FBXO41: variants seen among roughly 807,000 people sequenced by gnomAD.
FBXO41 encodes F-box protein 41.
FBXO41 carries 33 observed loss-of-function variants against 81.6 expected under a neutral mutation model. That is an observed-to-expected ratio of 0.40 (90% CI 0.31 to 0.54). The LOEUF (loss-of-function observed/expected upper bound fraction) is 0.54. FBXO41 is among the 20% of genes least tolerant of loss of function. FBXO41 has a pLI of 0.39. For missense variants in FBXO41, 1,107 were observed against 1,236.0 expected (o/e 0.90, Z 1.56); for synonymous variants, 576 against 552.7 (o/e 1.04, Z -0.59).
intron 1 of FBXO41, among the ~76,000 whole-genome samples, chr2:73,274,581 C>T (rs1042532678): frequency 5.3e-5 from 8 of 152,098 alleles, no homozygotes; most frequent in Non-Finnish European, 7.4e-5. Flanking sequence ...TGTTTTCTTT[C>T]GATACTTGTG....
chr2:73,261,668 A>G (rs1487382123), intron 9 of FBXO41, among the ~76,000 whole-genome samples: 1 of 152,162 alleles, frequency 6.6e-6, no homozygotes, highest in East Asian at 1.9e-4. Context: ...AATCCCGCCA[A>G]ATAGCTTCCA....
Position 73,265,508 on chromosome 2 carries a change from A to C in FBXO41, c.1338T>G (p.Ala446=). The change falls in exon 5 of 13, where the codon GCT becomes GCG. Residue 446 remains alanine (A), a synonymous_variant. Coordinates refer to ENST00000520530, the MANE Select transcript of FBXO41 (RefSeq NM_001371389.2). ...GGGACCGCTCTGAGCCCCCGTTGGC[A>C]GCCTGGGCCCGTGTGCCCAAGCCCC... ...GPGGLGTRAQ[A]ANGGSERSQP... is the part of the protein sequence containing the mutation. 3.8e-6 allele frequency: 6 copies of C among 1,596,400 alleles called. No individual in the cohort carries two copies. Among genetic ancestry groups the C allele is most frequent in the Non-Finnish European group, 5.1e-6 (6 of 1,174,044 alleles).
chr2:73,259,604 G>A lies in FBXO41; in HGVS notation c.2450-308C>T, dbSNP rs1309645237. Among the ~76,000 whole-genome samples, 2 of 152,150 alleles carry A rather than the reference G, an allele frequency of 1.3e-5. No individual in the cohort carries two copies. On this transcript the variant is annotated intron_variant, in intron 11 of 12. Transcript: ENST00000520530. This position sits in a 1 kb window ranked among gnomAD's most constrained non-coding sequence, Gnocchi z 4.2. Reference sequence around the variant, plus strand: ...ATGGTCTGGGCATTTGGGGATGAATGGCAAGGAACAGAGTGGCTGAGGTGG... The same window carrying A: ...ATGGTCTGGGCATTTGGGGATGAATAGCAAGGAACAGAGTGGCTGAGGTGG...
rs1405098589 is a variant in FBXO41, at chr2:73,260,325, C to A, written c.2449+64G>T. 5.2e-6 allele frequency: 8 copies of A among 1,552,518 alleles called. No individual in the cohort carries two copies. The highest frequency in any genetic ancestry group is 1.7e-4 in the Middle Eastern group (1 of 5,940). On this transcript the variant is annotated intron_variant, in intron 11 of 12. Coordinates refer to ENST00000520530, the MANE Select transcript of FBXO41 (RefSeq NM_001371389.2). The surrounding 1 kb of genome is among the most constrained non-coding windows in gnomAD (Gnocchi z 5.0). ...ATCTGCCCCAGTGATAGTTAGGATA[C>A]CTGCTGACAGGGCCCCGTGGCAGGT...
Position 73,264,469 on chromosome 2 carries a change from G to C in FBXO41, c.1615C>G (p.Pro539Ala), listed in dbSNP as rs1366429044. 9 of 1,613,812 alleles carry C rather than the reference G, an allele frequency of 5.6e-6. No individual in the cohort carries two copies. Among genetic ancestry groups the C allele is most frequent in the Non-Finnish European group, 7.6e-6 (9 of 1,179,902 alleles). ...GRGRRAERVS[P>A]SRSNEVISPE... Reference sequence around the variant, plus strand: ...CTGATGACCTCATTGGAGCGTGAGGGGCTGACCCTCTCTGCTCGCCGACCC... The same window carrying C: ...CTGATGACCTCATTGGAGCGTGAGGCGCTGACCCTCTCTGCTCGCCGACCC... The change falls in exon 6 of 13, where the codon CCC (proline) becomes GCC (alanine). Residue 539 changes from proline to alanine, a missense_variant. Around this residue, in one of 2 missense-constraint regions of FBXO41, gnomAD observed 771 missense variants for 789.2 expected, o/e 0.98. Transcript: ENST00000520530.
Position 73,266,816 on chromosome 2 carries a change from T to C in FBXO41, c.906-134A>G. ...GTCTGCTTATGGTCACATGGGTTCC[T>C]GCAGAACAGGCCTAGCACACAGCCC... On this transcript the variant is annotated intron_variant, in intron 2 of 12. Transcript: ENST00000520530. This position sits in a 1 kb window ranked among gnomAD's most constrained non-coding sequence, Gnocchi z 5.3. 2 of 1,358,104 alleles carry C rather than the reference T, an allele frequency of 1.5e-6. No individual in the cohort carries two copies. The highest frequency in any genetic ancestry group is 1.9e-6 in the Non-Finnish European group (2 of 1,049,560). The allele number at this position is 1,358,104 out of a possible 1,614,324, so 84.1% of individuals were successfully genotyped here.
Position 73,269,336 on chromosome 2 carries a change from A to C in FBXO41, c.295T>G (p.Ser99Ala). 1 of 1,520,828 alleles carries C rather than the reference A, an allele frequency of 6.6e-7. No individual in the cohort carries two copies. The highest frequency in any genetic ancestry group is 1.2e-5 in the South Asian group (1 of 82,374). The allele number at this position is 1,520,828 out of a possible 1,614,324, so 94.2% of individuals were successfully genotyped here. The change falls in exon 2 of 13, where the codon TCG becomes GCG. Residue 99 changes from serine to alanine, a missense_variant. This residue lies in a region of FBXO41 where 771 missense variants were observed against 789.2 expected (regional missense o/e 0.98). Coordinates refer to ENST00000520530, the MANE Select transcript of FBXO41 (RefSeq NM_001371389.2). This position sits in a 1 kb window ranked among gnomAD's most constrained non-coding sequence, Gnocchi z 7.0. Reference sequence around the variant, plus strand: ...TGCAGCAGGTGCGGCGCCGCGGGCGACGGCCCGGCCGCCTGCTCCTTGCCC... The same window carrying C: ...TGCAGCAGGTGCGGCGCCGCGGGCGCCGGCCCGGCCGCCTGCTCCTTGCCC... Reference protein sequence around the residue: ...FQGKEQAAGPSPAAPHLLHHH... With the variant: ...FQGKEQAAGPAPAAPHLLHHH...
At chr2:73,277,812 A>G (rs7605409) in intron 1 of FBXO41, among the ~76,000 whole-genome samples, 18,379 of 152,228 alleles carry the variant, frequency 0.12, 3,097 homozygotes, top group African/African-American at 0.37. Context: ...TTCCACCATC[A>G]TGTGGTCACT....
intron 1 of FBXO41, among the ~76,000 whole-genome samples, chr2:73,277,066 C>T (rs772093435): frequency 2.0e-5 from 3 of 152,184 alleles, no homozygotes. Context: ...TTGAAGTGCC[C>T]CTTTTTGCCT....
chr2:73,263,375 G>A (rs1195325442), intron 8 of FBXO41, 67 bp from the exon 9 acceptor site: 1 of 1,279,398 alleles, frequency 7.8e-7, no homozygotes, highest in Non-Finnish European at 1.1e-6. Flanking sequence ...AACACTTTGG[G>A]AGGTCAAGGC....
At chr2:73,265,998 A>G (rs762881013) in intron 3 of FBXO41, 32 bp from the exon 4 acceptor site, 86 of 1,547,832 alleles carry the variant, frequency 5.6e-5, no homozygotes, top group Non-Finnish European at 7.4e-5. Context: ...GGTAAAGGAG[A>G]GGGGCGGAGG....
rs1294502752 is a variant in FBXO41, at chr2:73,260,593, C to A, written c.2291-46G>T. The A allele has an allele frequency of 6.4e-7, 1 of 1,555,884 alleles. No individual in the cohort carries two copies. ...GATCCTGCTGACACACTCCCCAGGT[C>A]ACCCCTGCAGCCAGCACCCTGGCTA... On this transcript the variant is annotated intron_variant, in intron 10 of 12. Coordinates refer to ENST00000520530, the MANE Select transcript of FBXO41 (RefSeq NM_001371389.2). The surrounding 1 kb of genome is among the most constrained non-coding windows in gnomAD (Gnocchi z 5.0).
In FBXO41 at chr2:73,269,592, G is replaced by A; in HGVS notation, c.39C>T (p.Cys13=). 3 of 1,312,022 alleles carry A rather than the reference G, an allele frequency of 2.3e-6. No homozygotes were observed. The highest frequency in any genetic ancestry group is 3.4e-5 in the South Asian group (2 of 58,694). The allele number at this position is 1,312,022 out of a possible 1,614,324, so 81.3% of individuals were successfully genotyped here. A position where few individuals can be genotyped will look rare whatever the true frequency, so the allele number is the denominator to read the frequency against. Residue 13 remains cysteine, a synonymous_variant, in exon 2 of 13, where the codon TGC becomes TGT. Transcript: ENST00000520530. This position sits in a 1 kb window ranked among gnomAD's most constrained non-coding sequence, Gnocchi z 7.0. ...GGCTCCGGAAGCGCTTGTGCTCCCC[G>A]CAGCGGGGGCAGCGGTACGGCAGGT... ...SLDLPYRCPR[C]GEHKRFRSLS... is the part of the protein sequence containing the mutation.
Position 73,260,885 on chromosome 2 carries a change from A to G in FBXO41, c.2172-27T>C. The G allele has an allele frequency of 6.5e-7, 1 of 1,537,768 alleles. No individual in the cohort carries two copies. Among genetic ancestry groups the G allele is most frequent in the East Asian group, 2.4e-5 (1 of 40,888 alleles). On this transcript the variant is annotated intron_variant, in intron 9 of 12. Coordinates refer to ENST00000520530, the MANE Select transcript of FBXO41 (RefSeq NM_001371389.2). The surrounding 1 kb of genome is among the most constrained non-coding windows in gnomAD (Gnocchi z 5.0). The stretch of plus-strand genomic sequence containing the variant: ...TGGAGAATGGGAAGGGGGAGCCGTC[A>G]GGGAAGTCTCTGGATGCTTGATAAC...
chr2:73,270,964 C>T (rs372382679), intron 1 of FBXO41: 1 of 530,616 alleles, frequency 1.9e-6, no homozygotes, highest in Non-Finnish European at 3.9e-6. Flanking sequence ...TTGACCCCTC[C>T]ATCTTCACAG....
At position 73,260,774 on chromosome 2, in the gene FBXO41, A is replaced by G. The variant is rs771005973; in HGVS notation, c.2256T>C (p.Gly752=). ...CCAGGCCCTGCACCCCACAGCCGGC[A>G]CCCCCGACCCCCAGGGCCCGCAGGT... is the stretch of plus-strand genomic sequence containing the variant. ...WPHLRALGVG[G]AGCGVQGLAS... is the part of the protein sequence containing the mutation. The change falls in exon 10 of 13, where the codon GGT becomes GGC. Residue 752 remains glycine, a synonymous_variant. Coordinates refer to ENST00000520530, the MANE Select transcript of FBXO41 (RefSeq NM_001371389.2). This position sits in a 1 kb window ranked among gnomAD's most constrained non-coding sequence, Gnocchi z 5.0. 4 of 1,559,280 alleles carry G rather than the reference A, an allele frequency of 2.6e-6. No individual in the cohort carries two copies. The Admixed American group carries it at 5.8e-5, about 22-fold the overall frequency.
In FBXO41 at chr2:73,274,731, T is replaced by G. The variant is rs75505273; in HGVS notation, c.-138-4963A>C. 1.2e-3 allele frequency among the ~76,000 whole-genome samples: 188 copies of G among 152,154 alleles called. 2 individuals are homozygous for G. The highest frequency in any genetic ancestry group is 0.01 in the East Asian group (54 of 5,184). ...ATTTCCTTTTTCCTTTTGGATTTTT[T>G]TTTGTTTGTTTGTTTTTAGAAACAG... is the stretch of plus-strand genomic sequence containing the variant. On this transcript the variant is annotated intron_variant, in intron 1 of 12. Transcript: ENST00000520530.
At position 73,263,291 on chromosome 2, in the gene FBXO41, A is replaced by G; in HGVS notation, c.2093T>C (p.Val698Ala). ...CAGGGCCCAAATGACCTCATGGCCC[A>G]CGGGGTCTGTGGCACTCCTGTGAAA... ...AVTYRSATDP[V>A]GHEVIWALGA... The change falls in exon 9 of 13, where the codon GTG becomes GCG. Residue 698 changes from valine (V) to alanine (A), a missense_variant. Val to Ala is a moderately conservative substitution (Grantham distance 64). Coordinates refer to ENST00000520530, the MANE Select transcript of FBXO41 (RefSeq NM_001371389.2). 2 of 1,541,622 alleles carry G rather than the reference A, an allele frequency of 1.3e-6. No individual in the cohort carries two copies. Among genetic ancestry groups the G allele is most frequent in the East Asian group, 2.4e-5 (1 of 40,938 alleles).
rs1332213706 is a variant in FBXO41 at position 73,269,361 on chromosome 2, C to T, written c.270G>A (p.Gln90=). 1.3e-6 allele frequency: 2 copies of T among 1,510,736 alleles called. No individual in the cohort carries two copies. Among genetic ancestry groups the T allele is most frequent in the Non-Finnish European group, 1.8e-6 (2 of 1,131,988 alleles). The allele number at this position is 1,510,736 out of a possible 1,614,324, so 93.6% of individuals were successfully genotyped here. A position where few individuals can be genotyped will look rare whatever the true frequency, so the allele number is the denominator to read the frequency against. The change falls in exon 2 of 13, where the codon CAG becomes CAA. Residue 90 remains glutamine (Q), a synonymous_variant. Coordinates refer to ENST00000520530, the MANE Select transcript of FBXO41 (RefSeq NM_001371389.2). The surrounding 1 kb of genome is among the most constrained non-coding windows in gnomAD (Gnocchi z 7.0). ...RREVFESTSF[Q]GKEQAAGPSP... Reference sequence around the variant, plus strand: ...ACGGCCCGGCCGCCTGCTCCTTGCCCTGGAAGGAAGTGCTCTCGAAGACCT... The same window carrying T: ...ACGGCCCGGCCGCCTGCTCCTTGCCTTGGAAGGAAGTGCTCTCGAAGACCT...
Sources: allele counts gnomAD v4.1 joint callset (sites outside exome capture counted in the v4.1 genomes callset), GRCh38; gene constraint gnomAD v4.1.1; regional missense constraint gnomAD v4.1.1; non-coding constraint Gnocchi (gnomAD v3.1); transcripts MANE v1.5; gene names NCBI Gene and HGNC (gene_info 2026-07-23, HGNC 2026-07-21).